XYLT1: variants seen among roughly 807,000 people sequenced by gnomAD.
XYLT1 encodes the protein beta-D-xylosyltransferase 1.
Under a neutral mutation model 91.3 loss-of-function variants are expected in XYLT1, and 36 were observed. That is an observed-to-expected ratio of 0.39 (90% CI 0.30 to 0.52). The LOEUF (loss-of-function observed/expected upper bound fraction) is 0.52. Ranked by LOEUF, XYLT1 falls within the 20% of genes least tolerant of loss-of-function variation. The probability of loss-of-function intolerance (pLI) is 0.68; values close to 1 mark genes in which losing one functional copy is unlikely to be tolerated. For synonymous variants in XYLT1, 588 were observed against 532.0 expected (o/e 1.11, Z -1.45); for missense variants, 1,242 against 1,284.5 (o/e 0.97, Z 0.51).
chr16:17,286,683 C>CATCATCATCCTCATG (rs2034145312), intron 2 of XYLT1, among the ~76,000 whole-genome samples: 1 of 152,174 alleles, frequency 6.6e-6, no homozygotes, highest in African/African-American at 2.4e-5. Context: ...TCATCCTCAT[C>CATCATCATCCTCATG]ATCATCCCCA....
chr16:17,254,766 A>G (rs753314398), intron 3 of XYLT1, among the ~76,000 whole-genome samples: 1 of 152,198 alleles, frequency 6.6e-6, no homozygotes, highest in Non-Finnish European at 1.5e-5. Flanking sequence ...TCAACTGTTT[A>G]TGTTACCAGT....
intron 2 of XYLT1, among the ~76,000 whole-genome samples, chr16:17,326,640 G>A (rs954752040): frequency 5.3e-5 from 8 of 151,912 alleles, no homozygotes; most frequent in African/African-American, 1.5e-4. Context: ...TGGCTGAAAC[G>A]GTGAAACCCC....
intron 1 of XYLT1, among the ~76,000 whole-genome samples, chr16:17,458,167 C>T (rs902171275): frequency 1.3e-5 from 2 of 152,158 alleles, no homozygotes; most frequent in African/African-American, 4.8e-5. Context: ...CTTCTCCCCT[C>T]GCTCATTATG....
chr16:17,430,775 A>G (rs998067308), intron 1 of XYLT1, among the ~76,000 whole-genome samples: 5 of 152,332 alleles, frequency 3.3e-5, no homozygotes, highest in African/African-American at 1.2e-4. Flanking sequence ...AGAGCTAACC[A>G]GCCACCTCAG....
rs532431387 is a variant in XYLT1, at chr16:17,446,537, T to C, written c.363+23897A>G. ...CATCAACAGGTGATGCTGCCTCTTC[T>C]AGGAAAAAAAAATGGCTCAACAAGC... On this transcript the variant is annotated intron_variant, in intron 1 of 11. Transcript: ENST00000261381. Among the ~76,000 whole-genome samples, 27 of 151,650 alleles carry C rather than the reference T, an allele frequency of 1.8e-4. No homozygotes were observed. In the South Asian group the frequency reaches 5.0e-3, roughly 28 times the overall value.
intron 1 of XYLT1, among the ~76,000 whole-genome samples, chr16:17,422,613 G>A (rs2036263658): frequency 1.3e-5 from 2 of 152,026 alleles, no homozygotes; most frequent in East Asian, 1.9e-4. Flanking sequence ...GGGTTCAAGC[G>A]ATTCTCCTGT....
At position 17,105,543 on chromosome 16, in the gene XYLT1, G is replaced by C. The variant is rs1448462221; in HGVS notation, c.*3152C>G. On this transcript the variant is annotated 3_prime_UTR_variant, in exon 12 of 12. Coordinates refer to ENST00000261381, the MANE Select transcript of XYLT1 (RefSeq NM_022166.4). ...ACGTGTGGACCGGGAAGTGAAGTGGGATGTGGGAAGGCTGGCTGTCTCCTG... is the reference window on the plus strand; with the variant it reads ...ACGTGTGGACCGGGAAGTGAAGTGGCATGTGGGAAGGCTGGCTGTCTCCTG... 6.6e-6 allele frequency: 1 copy of C among 152,226 alleles called. No homozygotes were observed. The highest frequency in any genetic ancestry group is 1.5e-5 in the Non-Finnish European group (1 of 68,074). 9.4% of individuals were successfully genotyped at this position (152,226 alleles called of 1,614,324 possible).
chr16:17,430,303 G>A (rs748764549), intron 1 of XYLT1, among the ~76,000 whole-genome samples: 4 of 152,024 alleles, frequency 2.6e-5, no homozygotes, highest in East Asian at 3.9e-4. Flanking sequence ...CAAATGAAAC[G>A]CTCACTGGAA....
chr16:17,259,300 C>T lies in XYLT1; in HGVS notation c.601G>A (p.Glu201Lys). ...ELLKRKLEQQ[E>K]KGKGHTFPGK... ...GGGAATGTATGTCCTTTTCCTTTCT[C>T]CTGCTGTTCCAGCTTCCTTTTCAAA... The change falls in exon 3 of 12, where the codon GAG (glutamate) becomes AAG (lysine). Residue 201 changes from glutamate to lysine, a missense_variant. Glu to Lys is a moderately conservative substitution (Grantham distance 56). Around this residue, in one of 3 missense-constraint regions of XYLT1, gnomAD observed 437 missense variants for 411.5 expected, o/e 1.06. Transcript: ENST00000261381. 2 of 1,614,136 alleles carry T rather than the reference C, an allele frequency of 1.2e-6. No individual in the cohort carries two copies. The highest frequency in any genetic ancestry group is 1.7e-6 in the Non-Finnish European group (2 of 1,180,022).
chr16:17,147,719 A>G (rs2031172423), intron 6 of XYLT1, among the ~76,000 whole-genome samples: 1 of 152,230 alleles, frequency 6.6e-6, no homozygotes, highest in Admixed American at 6.5e-5. Context: ...GCAACAGGGT[A>G]TCTACCAGGG....
rs1383761491 is a variant in XYLT1, at chr16:17,117,921, C to T, written c.2282G>A (p.Gly761Glu). ...CATACCCACCGGCTCATCCATGGGCCCCAGAAGACCCCCAAAGTTGCGGAA... is the reference window on the plus strand; with the variant it reads ...CATACCCACCGGCTCATCCATGGGCTCCAGAAGACCCCCAAAGTTGCGGAA... ...RLFRNFGGLL[G>E]PMDEPVGMQK... Residue 761 changes from glycine to glutamate, a missense_variant, in exon 11 of 12, where the codon GGG becomes GAG. By Grantham distance (98) the Gly-to-Glu change is moderately conservative. This residue lies in a region of XYLT1 where 511 missense variants were observed against 497.0 expected (regional missense o/e 1.03). Coordinates refer to ENST00000261381, the MANE Select transcript of XYLT1 (RefSeq NM_022166.4). The T allele has an allele frequency of 1.9e-6, 3 of 1,613,880 alleles. No individual in the cohort carries two copies. Among genetic ancestry groups the T allele is most frequent in the Admixed American group, 3.3e-5 (2 of 59,986 alleles).
intron 1 of XYLT1, among the ~76,000 whole-genome samples, chr16:17,461,420 G>A (rs2036820703): frequency 6.6e-6 from 1 of 152,208 alleles, no homozygotes; most frequent in Admixed American, 6.5e-5. Flanking sequence ...TGCTAGACTG[G>A]TCCTCCTGGA....
intron 3 of XYLT1, among the ~76,000 whole-genome samples, chr16:17,205,748 C>A (rs1185512453): frequency 6.6e-6 from 1 of 152,152 alleles, no homozygotes. Context: ...ACATCTACAA[C>A]CGGAATTTCC....
chr16:17,321,900 A>G (rs761477349), intron 2 of XYLT1, among the ~76,000 whole-genome samples: 8 of 152,166 alleles, frequency 5.3e-5, no homozygotes, highest in Non-Finnish European at 8.8e-5. Flanking sequence ...CTGCGGAGCT[A>G]TCTTTTCTGT....
chr16:17,345,938 G>A (rs757290667), intron 2 of XYLT1, among the ~76,000 whole-genome samples: 1 of 152,144 alleles, frequency 6.6e-6, no homozygotes, highest in Non-Finnish European at 1.5e-5. Flanking sequence ...AGCCTCCCGA[G>A]TAGCTGGGAT....
intron 2 of XYLT1, among the ~76,000 whole-genome samples, chr16:17,278,054 C>T (rs1293379583): frequency 3.9e-5 from 6 of 152,132 alleles, no homozygotes; most frequent in Non-Finnish European, 8.8e-5. Flanking sequence ...GAGTGAGACG[C>T]CTCCCTGCGA....
Position 17,383,604 on chromosome 16 carries a change from A to G in XYLT1, c.364-25554T>C, listed in dbSNP as rs1181415666. 4.6e-5 allele frequency among the ~76,000 whole-genome samples: 7 copies of G among 151,914 alleles called. 1 individual carries two copies. The highest frequency in any genetic ancestry group is 3.3e-4 in the Admixed American group (5 of 15,166). On this transcript the variant is annotated intron_variant, in intron 1 of 11. Coordinates refer to ENST00000261381, the MANE Select transcript of XYLT1 (RefSeq NM_022166.4). ...TGATTTCAACAAAAGGAACATTTAC[A>G]TTTTAAGAGCTGAATCAAGAACTCG...
chr16:17,181,730 C>A (rs1178474423), intron 5 of XYLT1, among the ~76,000 whole-genome samples: 1 of 151,878 alleles, frequency 6.6e-6, no homozygotes, highest in Non-Finnish European at 1.5e-5. Context: ...TTCTGTGAAC[C>A]CTTCCTCCTC....
intron 3 of XYLT1, among the ~76,000 whole-genome samples, chr16:17,253,886 C>G (rs1338943100): frequency 6.7e-6 from 1 of 149,260 alleles, no homozygotes; most frequent in Non-Finnish European, 1.5e-5. Flanking sequence ...GGAAGAACAC[C>G]TCTGGGGCTT....
Sources: gnomAD v4.1 joint callset for allele counts (sites outside exome capture counted in the v4.1 genomes callset) on GRCh38, gnomAD v4.1.1 for gene constraint, gnomAD v4.1.1 regional missense constraint, MANE v1.5 for transcripts, NCBI Gene and HGNC (gene_info 2026-07-23, HGNC 2026-07-21) for gene names.